EYA1: variants seen among roughly 807,000 people sequenced by gnomAD.
EYA1 encodes protein phosphatase EYA1.
Under a neutral mutation model 82.0 loss-of-function variants are expected in EYA1, and 16 were observed. The observed-to-expected ratio is 0.20, with a 90% CI of 0.13 to 0.30. EYA1 has a LOEUF of 0.30. Ranked by LOEUF, EYA1 falls within the 10% of genes least tolerant of loss-of-function variation. The probability of loss-of-function intolerance (pLI) is 1.00; values close to 1 mark genes in which losing one functional copy is unlikely to be tolerated. For synonymous variants in EYA1, 261 were observed against 264.4 expected (o/e 0.99, Z 0.12); for missense variants, 633 against 730.7 (o/e 0.87, Z 1.54).
At chr8:71,462,462 A>G (rs1256126495) in intron 2 of EYA1, among the ~76,000 whole-genome samples, 1 of 152,184 alleles carries the variant, frequency 6.6e-6, no homozygotes, top group African/African-American at 2.4e-5. Flanking sequence ...GAGCCTTCCC[A>G]GGCCCTCAAG....
rs34098587 is a variant in EYA1, at chr8:71,206,225, CT to C, written c.1698+4930del. 8.8e-4 allele frequency among the ~76,000 whole-genome samples: 130 copies of C among 148,170 alleles called. 2 individuals carry two copies. The highest frequency in any genetic ancestry group is 6.9e-4 in the Non-Finnish European group (46 of 66,686). On this transcript the variant is annotated intron_variant, in intron 17 of 17. Transcript: ENST00000340726. ...AAATGTAGTTTATAGTTTGAAGAAA[CT>C]TTTTTTTTTTTAAACAGGGTCTTAC...
At chr8:71,507,783 A>G (rs994700732) in intron 2 of EYA1, among the ~76,000 whole-genome samples, 9 of 152,344 alleles carry the variant, frequency 5.9e-5, no homozygotes, top group African/African-American at 1.9e-4. Flanking sequence ...TCTTTTGTGT[A>G]GAGAAAAGGA....
chr8:71,312,230 A>G lies in EYA1; in HGVS notation c.556+5322T>C, dbSNP rs540829318. 5.3e-5 allele frequency among the ~76,000 whole-genome samples: 8 copies of G among 152,308 alleles called. No homozygotes were observed. The South Asian group carries it at 1.5e-3, about 28-fold the overall frequency. ...ACGATCAAGCCTGCCCTTCAGAAAA[A>G]TTTAAAGACCAAGCAACAACATTTT... is the stretch of plus-strand genomic sequence containing the variant. On this transcript the variant is annotated intron_variant, in intron 7 of 17. Transcript: ENST00000340726.
chr8:71,203,303 C>A (rs149426058), intron 17 of EYA1, among the ~76,000 whole-genome samples: 96 of 152,234 alleles, frequency 6.3e-4, no homozygotes, highest in African/African-American at 2.2e-3. Context: ...ACCGTAGCTA[C>A]AGTAGATACG....
rs143030221 is a variant in EYA1, at chr8:71,518,951, C to T, written c.33+16793G>A. 7.8e-4 allele frequency among the ~76,000 whole-genome samples: 118 copies of T among 152,228 alleles called. 1 individual carries two copies. The East Asian group carries it at 0.018, about 23-fold the overall frequency. ...TTGAACCCTTTTTTCCTAAATAATA[C>T]TATAGTAGTACATAGTTGCACTACA... On this transcript the variant is annotated intron_variant, in intron 2 of 18. Coordinates refer to the EYA1 transcript ENST00000643681.
At chr8:71,282,502 A>G (rs191374429) in intron 9 of EYA1, among the ~76,000 whole-genome samples, 2 of 152,200 alleles carry the variant, frequency 1.3e-5, no homozygotes, top group Non-Finnish European at 2.9e-5. Context: ...CAAATAGTCA[A>G]GTCTCAATTT....
intron 2 of EYA1, among the ~76,000 whole-genome samples, chr8:71,505,241 G>A (rs13252045): frequency 0.5 from 75,915 of 151,954 alleles, 19,009 homozygotes; most frequent in South Asian, 0.55. Flanking sequence ...AATCCTGGCA[G>A]CACATCAGAA....
At chr8:71,402,041 A>C (rs965298927) in intron 2 of EYA1, among the ~76,000 whole-genome samples, 1 of 152,202 alleles carries the variant, frequency 6.6e-6, no homozygotes, top group African/African-American at 2.4e-5. Flanking sequence ...TGTCTGGTAC[A>C]AGTAAAGGTC....
chr8:71,368,858 T>A (rs937575353), intron 2 of EYA1, among the ~76,000 whole-genome samples: 23 of 151,940 alleles, frequency 1.5e-4, no homozygotes, highest in African/African-American at 5.6e-4. Flanking sequence ...GAATGACTTA[T>A]ACGTGAAAAG....
upstream of EYA1, chr8:71,362,260 T>A: frequency 1.1e-6 from 1 of 918,024 alleles, no homozygotes. Context: ...GGAGCACTGC[T>A]CTGTCTGACT....
chr8:71,436,031 A>G (rs1393472869), intron 2 of EYA1, among the ~76,000 whole-genome samples: 1 of 152,158 alleles, frequency 6.6e-6, no homozygotes, highest in Admixed American at 6.5e-5. Context: ...TGTCAAGAAT[A>G]CTGACATTCA....
intron 2 of EYA1, among the ~76,000 whole-genome samples, chr8:71,468,705 A>C (rs1808955125): frequency 6.6e-6 from 1 of 152,110 alleles, no homozygotes; most frequent in Admixed American, 6.6e-5. Flanking sequence ...CAAAGTGTGT[A>C]AGTCCAATAC....
At chr8:71,468,179 G>T (rs553841272) in intron 2 of EYA1, among the ~76,000 whole-genome samples, 1 of 152,110 alleles carries the variant, frequency 6.6e-6, no homozygotes, top group Non-Finnish European at 1.5e-5. Context: ...TTTATTATTA[G>T]AAAGGCACCT....
intron 2 of EYA1, among the ~76,000 whole-genome samples, chr8:71,453,434 T>C (rs1807570644): frequency 6.6e-6 from 1 of 152,040 alleles, no homozygotes; most frequent in South Asian, 2.1e-4. Context: ...ACAAAGATAC[T>C]CCTTGAGAAG....
At chr8:71,438,746 C>T (rs1157690680) in intron 2 of EYA1, among the ~76,000 whole-genome samples, 1 of 152,130 alleles carries the variant, frequency 6.6e-6, no homozygotes, top group Non-Finnish European at 1.5e-5. Flanking sequence ...ACGACTGAGA[C>T]AGGCAATGCC....
chr8:71,440,730 A>T (rs1159207779), intron 2 of EYA1, among the ~76,000 whole-genome samples: 1 of 152,200 alleles, frequency 6.6e-6, no homozygotes, highest in Non-Finnish European at 1.5e-5. Context: ...GTCATTAGAG[A>T]TACAAATTTT....
Position 71,300,783 on chromosome 8 carries a change from T to C in EYA1, c.557-1063A>G, listed in dbSNP as rs1445025911. On this transcript the variant is annotated intron_variant, in intron 7 of 17. Transcript: ENST00000340726. The stretch of plus-strand genomic sequence containing the variant: ...TGAAGCTGTTTAAACGGTATTACAA[T>C]GATGTTTAATGGCATGAGAAAAATT... Among the ~76,000 whole-genome samples, 4 of 152,146 alleles carry C rather than the reference T, an allele frequency of 2.6e-5. No individual in the cohort carries two copies. In the East Asian group the frequency reaches 7.7e-4, roughly 29 times the overall value.
chr8:71,331,931 T>C (rs533962708), intron 4 of EYA1, among the ~76,000 whole-genome samples: 5 of 152,328 alleles, frequency 3.3e-5, no homozygotes, highest in Non-Finnish European at 7.3e-5. Context: ...CACTGCAACC[T>C]TGAACTCCTG....
chr8:71,340,102 C>T lies in EYA1; in HGVS notation c.125-5928G>A, dbSNP rs550252212. 3.9e-5 allele frequency among the ~76,000 whole-genome samples: 6 copies of T among 152,300 alleles called. No homozygotes were observed. In the South Asian group the frequency reaches 8.3e-4, roughly 21 times the overall value. Reference sequence around the variant, plus strand: ...GCCTCTACTCTCCCTGCTTTGGAAACAAATATTTATATTTTCATAATTTAG... The same window carrying T: ...GCCTCTACTCTCCCTGCTTTGGAAATAAATATTTATATTTTCATAATTTAG... On this transcript the variant is annotated intron_variant, in intron 3 of 17. Transcript: ENST00000340726.
Sources: allele counts gnomAD v4.1 joint callset (sites outside exome capture counted in the v4.1 genomes callset), GRCh38; gene constraint gnomAD v4.1.1; transcripts MANE v1.5; gene names NCBI Gene and HGNC (gene_info 2026-07-23, HGNC 2026-07-21).